Variants in NRG3 observed in about 807,000 individuals in gnomAD.
NRG3 encodes neuregulin 3, also known as pro-neuregulin-3, membrane-bound isoform.
In NRG3, 31 loss-of-function variants were observed where a neutral mutation model predicts 66.9. The ratio of observed to expected loss-of-function variants is 0.46; its 90% CI spans 0.35 to 0.63. The LOEUF (loss-of-function observed/expected upper bound fraction) is 0.63, where lower values mean the gene tolerates loss of function less well. Among genes scored for constraint, NRG3 ranks in the 20% least tolerant of loss-of-function variants. NRG3 has a pLI of 0.00. For missense variants in NRG3, 910 were observed against 878.9 expected (o/e 1.04, Z -0.45); for synonymous variants, 393 against 359.4 (o/e 1.09, Z -1.06).
At chr10:82,457,677 A>G (rs949750794) in intron 2 of NRG3, among the ~76,000 whole-genome samples, 17 of 152,156 alleles carry the variant, frequency 1.1e-4, no homozygotes, top group South Asian at 8.3e-4. Flanking sequence ...TTATTCTCCA[A>G]TGTGTTCATT....
intron 1 of NRG3, among the ~76,000 whole-genome samples, chr10:81,975,123 A>G (rs1453417740): frequency 6.6e-6 from 1 of 152,138 alleles, no homozygotes; most frequent in Non-Finnish European, 1.5e-5. Context: ...AAAGAAAAAC[A>G]TAAAATACAA....
intron 3 of NRG3, among the ~76,000 whole-genome samples, chr10:82,844,187 G>C (rs752042738): frequency 6.6e-6 from 1 of 152,178 alleles, no homozygotes; most frequent in African/African-American, 2.4e-5. Context: ...GTTCTGGTGA[G>C]TGACTCCTTT....
At chr10:82,512,962 A>G (rs1200631362) in intron 2 of NRG3, among the ~76,000 whole-genome samples, 2 of 151,804 alleles carry the variant, frequency 1.3e-5, no homozygotes, top group African/African-American at 4.8e-5. Context: ...TTTCCTTTTT[A>G]TTTTAATTTC....
At chr10:82,760,914 T>G (rs1431647774) in intron 3 of NRG3, among the ~76,000 whole-genome samples, 1 of 151,792 alleles carries the variant, frequency 6.6e-6, no homozygotes, top group Non-Finnish European at 1.5e-5. Context: ...GTAAAAAAAT[T>G]AAAAATATCA....
intron 2 of NRG3, among the ~76,000 whole-genome samples, chr10:82,387,410 T>G (rs1185575827): frequency 6.6e-6 from 1 of 152,228 alleles, no homozygotes; most frequent in South Asian, 2.1e-4. Context: ...CCAGGCTGGT[T>G]GGTTGGCATT....
chr10:81,887,906 G>T (rs1232606588), intron 1 of NRG3, among the ~76,000 whole-genome samples: 1 of 152,048 alleles, frequency 6.6e-6, no homozygotes, highest in Non-Finnish European at 1.5e-5. Context: ...TATGGGTGCT[G>T]GTTACATGAG....
intron 2 of NRG3, among the ~76,000 whole-genome samples, chr10:82,564,052 C>A (rs944674721): frequency 1.3e-5 from 2 of 151,164 alleles, no homozygotes; most frequent in African/African-American, 4.9e-5. Context: ...CATAAGGGGT[C>A]ATTTTTTGAG....
At position 82,006,598 on chromosome 10, in the gene NRG3, T is replaced by C. The variant is rs142681227; in HGVS notation, c.823+130435T>C. On this transcript the variant is annotated intron_variant, in intron 1 of 8. Transcript: ENST00000372141. ...TTTAAGTTATTAATCCCATCAGAAG[T>C]TACTTTTTTTGTTTTTGTTTGTAGA... Among the ~76,000 whole-genome samples the C allele has an allele frequency of 8.1e-3, 1,227 of 152,234 alleles. 15 individuals carry two copies. The highest frequency in any genetic ancestry group is 0.028 in the African/African-American group (1,162 of 41,548).
intron 2 of NRG3, among the ~76,000 whole-genome samples, chr10:82,489,961 T>C (rs1424176635): frequency 6.6e-6 from 1 of 152,124 alleles, no homozygotes; most frequent in Non-Finnish European, 1.5e-5. Flanking sequence ...TTCAACCTCA[T>C]ACCTGGAAAG....
At chr10:81,876,858 G>C (rs1327340534) in intron 1 of NRG3, among the ~76,000 whole-genome samples, 1 of 152,026 alleles carries the variant, frequency 6.6e-6, no homozygotes, top group African/African-American at 2.4e-5. Flanking sequence ...ACCGCCGAGA[G>C]TGAGTTAACT....
intron 1 of NRG3, among the ~76,000 whole-genome samples, chr10:82,167,905 T>G (rs554984242): frequency 5.9e-5 from 9 of 152,040 alleles, no homozygotes; most frequent in Non-Finnish European, 1.2e-4. Flanking sequence ...GGATTCTTCA[T>G]TTTTTTGAAG....
At chr10:82,410,085 A>C (rs754540239) in intron 2 of NRG3, among the ~76,000 whole-genome samples, 1 of 152,032 alleles carries the variant, frequency 6.6e-6, no homozygotes, top group Non-Finnish European at 1.5e-5. Flanking sequence ...CAGTTAGTCT[A>C]CCCAGGCCCA....
intron 3 of NRG3, among the ~76,000 whole-genome samples, chr10:82,786,884 G>T (rs1408239800): frequency 6.6e-6 from 1 of 152,120 alleles, no homozygotes; most frequent in Non-Finnish European, 1.5e-5. Context: ...ACCCTCCTCT[G>T]TCTCTCATGT....
intron 8 of NRG3, among the ~76,000 whole-genome samples, chr10:82,981,606 A>C (rs1237444363): frequency 6.6e-6 from 1 of 152,200 alleles, no homozygotes; most frequent in East Asian, 1.9e-4. Context: ...GCTGTCTATG[A>C]CAGTTAGGCT....
At chr10:82,843,362 G>A (rs563063119) in intron 3 of NRG3, 9 of 351,400 alleles carry the variant, frequency 2.6e-5, no homozygotes, top group Non-Finnish European at 5.3e-5. Flanking sequence ...TTCCATCATG[G>A]ACTGATGAGC....
intron 1 of NRG3, among the ~76,000 whole-genome samples, chr10:81,935,524 T>C (rs1847775055): frequency 6.6e-6 from 1 of 152,166 alleles, no homozygotes; most frequent in African/African-American, 2.4e-5. Context: ...TACTTTGTTA[T>C]AGTGGCTAAA....
chr10:82,343,947 A>G (rs1256158839), intron 1 of NRG3, among the ~76,000 whole-genome samples: 1 of 152,160 alleles, frequency 6.6e-6, no homozygotes, highest in African/African-American at 2.4e-5. Context: ...GACTTATTAA[A>G]TATTTTGAAC....
chr10:82,474,284 G>A (rs1244100928), intron 2 of NRG3, among the ~76,000 whole-genome samples: 1 of 151,882 alleles, frequency 6.6e-6, no homozygotes. Flanking sequence ...TATAGGCACT[G>A]AGCTTACTAG....
At chr10:82,079,635 AC>A (rs2065281904) in intron 1 of NRG3, among the ~76,000 whole-genome samples, 2 of 151,660 alleles carry the variant, frequency 1.3e-5, no homozygotes, top group South Asian at 2.1e-4. Context: ...ATCCCTCTCC[AC>A]CCCCAAACCC....
Sources: gnomAD v4.1 joint callset for allele counts (sites outside exome capture counted in the v4.1 genomes callset) on GRCh38, gnomAD v4.1.1 for gene constraint, MANE v1.5 for transcripts, NCBI Gene and HGNC (gene_info 2026-07-23, HGNC 2026-07-21) for gene names.